Variants in WSB2 observed in about 807,000 individuals in gnomAD.
The protein encoded by WSB2 is WD repeat and SOCS box containing 2, also known as WD repeat and SOCS box-containing protein 2.
WSB2 carries 12 observed loss-of-function variants against 48.8 expected under a neutral mutation model. That is an observed-to-expected ratio of 0.25 (90% CI 0.16 to 0.40). The LOEUF (loss-of-function observed/expected upper bound fraction) is 0.40, where lower values mean the gene tolerates loss of function less well. Ranked by LOEUF, WSB2 falls within the 10% of genes least tolerant of loss-of-function variation. The pLI is 1.00. For synonymous variants in WSB2, 191 were observed against 203.1 expected (o/e 0.94, Z 0.51); for missense variants, 317 against 506.2 (o/e 0.63, Z 3.59).
chr12:118,035,393 A>T, intron 6 of WSB2, 69 bp from the exon 7 acceptor site: 2 of 1,448,730 alleles, frequency 1.4e-6, no homozygotes, highest in Non-Finnish European at 1.9e-6. Flanking sequence ...TCATCACCCT[A>T]GGCAGGAAGC....
chr12:118,044,478 C>G (rs1484375378), intron 2 of WSB2, among the ~76,000 whole-genome samples: 1 of 151,984 alleles, frequency 6.6e-6, no homozygotes, highest in Non-Finnish European at 1.5e-5. Flanking sequence ...TGTTAATTTC[C>G]ACCTTCACTC....
At chr12:118,053,971 A>G (rs534962423) in intron 1 of WSB2, among the ~76,000 whole-genome samples, 64 of 152,258 alleles carry the variant, frequency 4.2e-4, no homozygotes, top group African/African-American at 1.5e-3. Flanking sequence ...ATGACTTTTC[A>G]TAGTTAAATA....
At chr12:118,055,607 CT>C (rs748354611) in intron 1 of WSB2, among the ~76,000 whole-genome samples, 2,461 of 81,600 alleles carry the variant, frequency 0.03, 4 homozygotes, top group African/African-American at 0.081. Flanking sequence ...CTACATTATC[CT>C]TTTTTTTTTT....
intron 2 of WSB2, 85 bp from the exon 3 acceptor site, chr12:118,043,462 G>A: frequency 6.7e-7 from 1 of 1,500,390 alleles, no homozygotes; most frequent in Non-Finnish European, 8.8e-7. Flanking sequence ...AGACTTTTGG[G>A]GAGTGGAGGG....
chr12:118,036,952 T>C (rs1362167079), intron 5 of WSB2, among the ~76,000 whole-genome samples: 1 of 151,770 alleles, frequency 6.6e-6, no homozygotes, highest in Non-Finnish European at 1.5e-5. Context: ...GTGGCTGAGG[T>C]GGGTGGATCA....
chr12:118,045,722 A>G (rs1373409538), intron 2 of WSB2, among the ~76,000 whole-genome samples: 1 of 152,002 alleles, frequency 6.6e-6, no homozygotes, highest in Non-Finnish European at 1.5e-5. Context: ...AAGAAAAAAA[A>G]AAAAAAAAGG....
In WSB2 at chr12:118,037,395, G is replaced by A. The variant is rs553139406; in HGVS notation, c.661-885C>T. 1.1e-3 allele frequency among the ~76,000 whole-genome samples: 161 copies of A among 152,256 alleles called. 1 individual carries two copies. Among genetic ancestry groups the A allele is most frequent in the African/African-American group, 3.8e-3 (156 of 41,558 alleles). On this transcript the variant is annotated intron_variant, in intron 5 of 8. Coordinates refer to ENST00000315436, the MANE Select transcript of WSB2 (RefSeq NM_018639.5). ...TTAAGAAAACCCTCAGGCCAGGCGC[G>A]GTGGCTCACGCCTGCAATCCCAGCA... is the stretch of plus-strand genomic sequence containing the variant.
At chr12:118,039,234 C>A (rs1234513634) in intron 4 of WSB2, among the ~76,000 whole-genome samples, 1 of 152,132 alleles carries the variant, frequency 6.6e-6, no homozygotes, top group Non-Finnish European at 1.5e-5. Context: ...AATCCTGACT[C>A]CCCTGCTAAT....
chr12:118,036,541 C>G (rs1392281019), intron 5 of WSB2, 31 bp from the exon 6 acceptor site: 1 of 1,589,386 alleles, frequency 6.3e-7, no homozygotes, highest in Admixed American at 1.7e-5. Context: ...CTGGTTAGGG[C>G]AGAAGCAAAG....
chr12:118,058,047 A>G (rs2031994511), intron 1 of WSB2, among the ~76,000 whole-genome samples: 1 of 151,838 alleles, frequency 6.6e-6, no homozygotes, highest in Admixed American at 6.6e-5. Flanking sequence ...CTGGCCCTGG[A>G]TCAGGGTGTT....
At chr12:118,055,012 CT>C (rs1270699567) in intron 1 of WSB2, among the ~76,000 whole-genome samples, 1 of 127,766 alleles carries the variant, frequency 7.8e-6, no homozygotes, top group Non-Finnish European at 1.5e-5. Context: ...GACTCCATCT[CT>C]TTAAAAAAAA....
intron 1 of WSB2, among the ~76,000 whole-genome samples, chr12:118,055,639 G>T (rs1268115568): frequency 8.6e-6 from 1 of 115,904 alleles, no homozygotes; most frequent in Non-Finnish European, 1.7e-5. Flanking sequence ...TTTTGAGATG[G>T]AGTCTCACTC....
At chr12:118,054,967 C>T (rs2031928393) in intron 1 of WSB2, among the ~76,000 whole-genome samples, 1 of 148,012 alleles carries the variant, frequency 6.8e-6, no homozygotes, top group South Asian at 2.1e-4. Flanking sequence ...TAGCTTGAGG[C>T]CAGGAGTTCA....
At chr12:118,061,478 C>T (rs2032065581), upstream of WSB2, among the ~76,000 whole-genome samples, 1 of 150,008 alleles carries the variant, frequency 6.7e-6, no homozygotes, top group Admixed American at 6.6e-5. Flanking sequence ...GGAACCAGCG[C>T]CGGATAAAAA....
intron 2 of WSB2, among the ~76,000 whole-genome samples, chr12:118,049,792 G>A (rs1269515518): frequency 6.6e-6 from 1 of 152,094 alleles, no homozygotes; most frequent in Non-Finnish European, 1.5e-5. Flanking sequence ...CTAGCAGCAT[G>A]CAGAGTACCC....
At position 118,036,347 on chromosome 12, in the gene WSB2, C is replaced by G; in HGVS notation, c.824G>C (p.Arg275Thr). The G allele has an allele frequency of 6.2e-7, 1 of 1,613,964 alleles. No homozygotes were observed. The highest frequency in any genetic ancestry group is 1.1e-5 in the South Asian group (1 of 91,058). ...MWDPYTGERL[R>T]SLHHTQVDPA... The stretch of plus-strand genomic sequence containing the variant: ...GGGATTCAGTCCTTACTGGAGTGAC[C>G]TCAGCCTTTCGCCGGTGTAGGGGTC... The change falls in exon 6 of 9, where the codon AGG becomes ACG. Residue 275 changes from arginine to threonine, a missense_variant. This residue lies in a region of WSB2 where 189 missense variants were observed against 349.6 expected (regional missense o/e 0.54). Transcript: ENST00000315436.
chr12:118,058,720 G>C (rs1465557759), intron 1 of WSB2, among the ~76,000 whole-genome samples: 1 of 147,612 alleles, frequency 6.8e-6, no homozygotes, highest in African/African-American at 2.5e-5. Flanking sequence ...TTTTGAGATG[G>C]AGTTTCACTC....
At chr12:118,053,007 T>A (rs1173972893) in intron 1 of WSB2, among the ~76,000 whole-genome samples, 2 of 152,068 alleles carry the variant, frequency 1.3e-5, no homozygotes, top group Admixed American at 1.3e-4. Context: ...TCTCCCCATC[T>A]CTCCCGCTTC....
intron 2 of WSB2, among the ~76,000 whole-genome samples, chr12:118,044,793 G>A (rs375019408): frequency 6.6e-6 from 1 of 152,062 alleles, no homozygotes; most frequent in Non-Finnish European, 1.5e-5. Context: ...TACTGTTTGC[G>A]GTACACAGCA....
Sources: allele counts gnomAD v4.1 joint callset (sites outside exome capture counted in the v4.1 genomes callset), GRCh38; gene constraint gnomAD v4.1.1; regional missense constraint gnomAD v4.1.1; transcripts MANE v1.5; gene names NCBI Gene and HGNC (gene_info 2026-07-23, HGNC 2026-07-21).